The following L3MBTL1 variants were observed in gnomAD, a reference collection of about 807,000 sequenced individuals.
The protein encoded by L3MBTL1 is L3MBTL histone methyl-lysine binding protein 1.
In L3MBTL1, 75 loss-of-function variants were observed where a neutral mutation model predicts 105.3. That is an observed-to-expected ratio of 0.71 (90% confidence interval 0.59 to 0.86). The LOEUF (loss-of-function observed/expected upper bound fraction) is 0.86, where lower values mean the gene tolerates loss of function less well. Among genes scored for constraint, L3MBTL1 ranks in the 40% least tolerant of loss-of-function variants. The probability of loss-of-function intolerance (pLI) is 0.00; values close to 1 mark genes in which losing one functional copy is unlikely to be tolerated. For synonymous variants in L3MBTL1, 452 were observed against 436.2 expected, an observed-to-expected ratio of 1.04 and a Z score of -0.45; for missense variants, 1,069 against 1,126.4, an observed-to-expected ratio of 0.95 and a Z score of 0.73.
At chr20:43,525,938 T>G (rs2019009209) in intron 7 of L3MBTL1, among the ~76,000 whole-genome samples, 1 of 152,166 alleles carries the variant, frequency 6.6e-6, no homozygotes, top group Admixed American at 6.5e-5. Context: ...TGCATAGTGG[T>G]AAACTGAAGA....
intron 13 of L3MBTL1, among the ~76,000 whole-genome samples, chr20:43,533,700 C>A (rs146077484): frequency 5.5e-4 from 84 of 152,310 alleles, no homozygotes; most frequent in African/African-American, 1.9e-3. Context: ...AGTCCTTCAT[C>A]CTGGGAGTAT....
intron 20 of L3MBTL1, 150 bp downstream of exon 20, chr20:43,540,458 G>C (rs951788818): frequency 7.7e-6 from 7 of 909,974 alleles, no homozygotes; most frequent in Non-Finnish European, 1.2e-5. Context: ...CCTTCTAGCT[G>C]CCCAGTAGGG....
intron 1 of L3MBTL1, among the ~76,000 whole-genome samples, chr20:43,510,779 G>A (rs1404338194): frequency 6.7e-6 from 1 of 149,052 alleles, no homozygotes; most frequent in Non-Finnish European, 1.5e-5. Context: ...GTACAGTGGT[G>A]AGATCATGGC....
intron 19 of L3MBTL1, chr20:43,539,230 T>G (rs78724314): frequency 1.3e-5 from 2 of 152,512 alleles, no homozygotes; most frequent in Non-Finnish European, 2.9e-5. Flanking sequence ...TTGATGAGCA[T>G]CTGGAATTAG....
chr20:43,536,084 T>G lies in L3MBTL1; in HGVS notation c.1926-13T>G. On this transcript the variant is annotated splice_polypyrimidine_tract_variant and intron_variant, in intron 17 of 21. Coordinates refer to ENST00000418998, the MANE Select transcript of L3MBTL1 (RefSeq NM_001377303.1). ...CAGTGGATTAAACCCAACTGAAGTCTCTTCTTCCCCAGGAAGTGCCCCACT... is the reference window on the plus strand; with the variant it reads ...CAGTGGATTAAACCCAACTGAAGTCGCTTCTTCCCCAGGAAGTGCCCCACT... 1 of 1,612,524 alleles carries G rather than the reference T, an allele frequency of 6.2e-7. No homozygotes were observed. Among genetic ancestry groups the G allele is most frequent in the Non-Finnish European group, 8.5e-7 (1 of 1,179,956 alleles).
At chr20:43,533,875 T>C in intron 13 of L3MBTL1, 133 bp from the exon 14 acceptor site, 5 of 708,742 alleles carry the variant, frequency 7.1e-6, no homozygotes, top group South Asian at 6.7e-5. Context: ...TGCAAGGAGC[T>C]GGCTGTGGTG....
rs143476206 is a variant in L3MBTL1, at chr20:43,522,525, G to A, written c.863-6132G>A. ...CTGGCTCTATCACCCAGGCTGGAGTGCAGTGGTGCGATGTCCGCTCACTGT... is the reference window on the plus strand; with the variant it reads ...CTGGCTCTATCACCCAGGCTGGAGTACAGTGGTGCGATGTCCGCTCACTGT... On this transcript the variant is annotated intron_variant, in intron 7 of 21. Transcript: ENST00000418998. Among the ~76,000 whole-genome samples the A allele has an allele frequency of 3.5e-3, 437 of 126,190 alleles. 10 individuals carry two copies. In the East Asian group the frequency reaches 0.037, roughly 11 times the overall value. 82.8% of individuals were successfully genotyped at this position (126,190 alleles called of 152,430 possible).
At chr20:43,519,867 A>G (rs767691511) in intron 7 of L3MBTL1, among the ~76,000 whole-genome samples, 2 of 152,128 alleles carry the variant, frequency 1.3e-5, no homozygotes, top group Non-Finnish European at 2.9e-5. Context: ...CCAATTTGTC[A>G]ATTTTTTAAT....
chr20:43,540,666 C>T, intron 20 of L3MBTL1, 87 bp from the exon 21 acceptor site: 1 of 1,297,444 alleles, frequency 7.7e-7, no homozygotes, highest in South Asian at 1.2e-5. Context: ...ATTGGCACAG[C>T]TCAGAAGCAC....
At position 43,536,097 on chromosome 20, in the gene L3MBTL1, G is replaced by A. The variant is rs1225100698; in HGVS notation, c.1926G>A (p.Arg642=). The change falls in exon 18 of 22, where the codon CGG becomes CGA. Residue 642 remains arginine (R), a splice_region_variant and synonymous_variant. Transcript: ENST00000418998. The stretch of plus-strand genomic sequence containing the variant: ...CCAACTGAAGTCTCTTCTTCCCCAG[G>A]AAGTGCCCCACTCCTGGTTGCGACG... ...TRTSKYSFHH[R]KCPTPGCDGS... The A allele has an allele frequency of 1.2e-6, 2 of 1,612,818 alleles. No homozygotes were observed. The highest frequency in any genetic ancestry group is 1.7e-6 in the Non-Finnish European group (2 of 1,180,012).
intron 1 of L3MBTL1, among the ~76,000 whole-genome samples, chr20:43,511,780 CAAA>C (rs35702977): frequency 0.15 from 16,252 of 106,388 alleles, 1,018 homozygotes; most frequent in Admixed American, 0.21. Flanking sequence ...GACTCCATCT[CAAA>C]AAAAAAAAAA....
intron 7 of L3MBTL1, among the ~76,000 whole-genome samples, chr20:43,525,658 TG>T (rs1356128585): frequency 6.6e-6 from 1 of 152,196 alleles, no homozygotes; most frequent in Non-Finnish European, 1.5e-5. Context: ...TGAATTTGGC[TG>T]GGGGTGTTGG....
intron 7 of L3MBTL1, among the ~76,000 whole-genome samples, chr20:43,516,943 C>T (rs1003950926): frequency 1.3e-5 from 2 of 152,000 alleles, no homozygotes; most frequent in Non-Finnish European, 2.9e-5. Flanking sequence ...CAGGTGCATG[C>T]CACCATGCAT....
intron 16 of L3MBTL1, 110 bp downstream of exon 16, chr20:43,535,052 C>T: frequency 1.5e-6 from 1 of 677,904 alleles, no homozygotes; most frequent in Non-Finnish European, 2.5e-6. Context: ...ACACAGAGGG[C>T]TCTGATGCCT....
chr20:43,519,843 C>T (rs1175278525), intron 7 of L3MBTL1, among the ~76,000 whole-genome samples: 3 of 152,104 alleles, frequency 2.0e-5, no homozygotes, highest in Admixed American at 6.5e-5. Context: ...GCAGAAAGTT[C>T]GTTTTGATGG....
At chr20:43,537,595 G>A (rs746256242) in intron 19 of L3MBTL1, among the ~76,000 whole-genome samples, 7 of 152,168 alleles carry the variant, frequency 4.6e-5, no homozygotes, top group Non-Finnish European at 7.3e-5. Context: ...ACACATTTTA[G>A]CCCATAACAT....
intron 3 of L3MBTL1, chr20:43,514,362 T>G: frequency 7.6e-7 from 1 of 1,308,086 alleles, no homozygotes; most frequent in Non-Finnish European, 1.0e-6. Flanking sequence ...GGGCGTGGCT[T>G]AGAGTGGGGT....
chr20:43,534,186 A>G, intron 14 of L3MBTL1, 93 bp downstream of exon 14: 1 of 1,518,476 alleles, frequency 6.6e-7, no homozygotes, highest in Non-Finnish European at 9.1e-7. Context: ...CCCTTTGGGC[A>G]GGCCCCAGTT....
In L3MBTL1 at chr20:43,528,692, T is replaced by C. The variant is rs374007728; in HGVS notation, c.898T>C (p.Ser300Pro). Residue 300 changes from serine (S) to proline (P), a missense_variant, in exon 8 of 22, where the codon TCC becomes CCC. By Grantham distance (74) the Ser-to-Pro change is moderately conservative. Transcript: ENST00000418998. Reference sequence around the variant, plus strand: ...GAAGAAGGAATGCTGGTCGTGGGAGTCCTACCTAGAGGAGCAGAAGGCCAT... The same window carrying C: ...GAAGAAGGAATGCTGGTCGTGGGAGCCCTACCTAGAGGAGCAGAAGGCCAT... The part of the protein sequence containing the change: ...GEKKECWSWE[S>P]YLEEQKAITA... 25 of 1,613,916 alleles carry C rather than the reference T, an allele frequency of 1.5e-5. No homozygotes were observed. The highest frequency in any genetic ancestry group is 2.0e-5 in the Non-Finnish European group (24 of 1,179,996).
Sources: allele counts gnomAD v4.1 joint callset (sites outside exome capture counted in the v4.1 genomes callset), GRCh38; gene constraint gnomAD v4.1.1; transcripts MANE v1.5; gene names NCBI Gene and HGNC (gene_info 2026-07-23, HGNC 2026-07-21).